The following DLG2 variants were observed in gnomAD, a reference collection of about 807,000 sequenced individuals.
DLG2 encodes disks large homolog 2.
Under a neutral mutation model 132.5 loss-of-function variants are expected in DLG2, and 45 were observed. That is an observed-to-expected ratio of 0.34 (90% CI 0.27 to 0.44). The LOEUF (loss-of-function observed/expected upper bound fraction) is 0.44. Among genes scored for constraint, DLG2 ranks in the 20% least tolerant of loss-of-function variants. DLG2 has a pLI of 1.00. For synonymous variants in DLG2, 424 were observed against 419.6 expected (o/e 1.01, Z -0.13); for missense variants, 1,045 against 1,196.9 (o/e 0.87, Z 1.87).
rs140572835 is a variant in DLG2 at position 83,527,549 on chromosome 11, AT to A, written c.2193+5158del. 7.3e-5 allele frequency among the ~76,000 whole-genome samples: 11 copies of A among 150,798 alleles called. No individual in the cohort carries two copies. In the South Asian group the frequency reaches 1.0e-3, roughly 14 times the overall value. On this transcript the variant is annotated intron_variant, in intron 21 of 27. Coordinates refer to ENST00000376104, the MANE Select transcript of DLG2 (RefSeq NM_001142699.3). ...AACAGAGAGAGACCTTGTCTCTACAATTTTTTTTTTAAAAGAGAGGTGTATG... is the reference window on the plus strand; with the variant it reads ...AACAGAGAGAGACCTTGTCTCTACAATTTTTTTTTAAAAGAGAGGTGTATG...
intron 6 of DLG2, among the ~76,000 whole-genome samples, chr11:84,769,110 C>T (rs1352087742): frequency 6.6e-6 from 1 of 152,044 alleles, no homozygotes; most frequent in Non-Finnish European, 1.5e-5. Context: ...ACCAAACGCT[C>T]CTATTAGCCC....
intron 18 of DLG2, chr11:83,651,992 G>T: frequency 2.6e-6 from 1 of 387,024 alleles, no homozygotes. Flanking sequence ...GCCTGTGTTG[G>T]TCTAATCAAA....
intron 3 of DLG2, among the ~76,000 whole-genome samples, chr11:85,402,321 C>T (rs1385814273): frequency 6.6e-6 from 1 of 152,112 alleles, no homozygotes; most frequent in Non-Finnish European, 1.5e-5. Flanking sequence ...CCTTTCCTTA[C>T]ACCTAGACAA....
chr11:83,732,803 C>T (rs2091252153), intron 18 of DLG2, among the ~76,000 whole-genome samples: 1 of 152,114 alleles, frequency 6.6e-6, no homozygotes, highest in African/African-American at 2.4e-5. Flanking sequence ...GTTTCATGCT[C>T]CAACTGGGGA....
intron 19 of DLG2, among the ~76,000 whole-genome samples, chr11:83,608,417 C>T (rs2059647558): frequency 6.6e-6 from 1 of 151,554 alleles, no homozygotes; most frequent in African/African-American, 2.4e-5. Context: ...AATTACTCCA[C>T]AATGAGCATT....
intron 5 of DLG2, among the ~76,000 whole-genome samples, chr11:85,123,631 C>T (rs367565556): frequency 3.3e-5 from 5 of 152,246 alleles, no homozygotes; most frequent in East Asian, 1.9e-4. Context: ...AAACATTTTC[C>T]GGGAACTTTC....
chr11:85,228,828 T>C (rs2152635990), intron 4 of DLG2, among the ~76,000 whole-genome samples: 1 of 151,832 alleles, frequency 6.6e-6, no homozygotes, highest in South Asian at 2.1e-4. Flanking sequence ...TTTATTAATG[T>C]AATTATTATT....
chr11:84,462,495 C>T (rs1197975771), intron 7 of DLG2, among the ~76,000 whole-genome samples: 1 of 151,062 alleles, frequency 6.6e-6, no homozygotes, highest in African/African-American at 2.4e-5. Flanking sequence ...TGCCCAGCCT[C>T]TACTACTAAA....
intron 7 of DLG2, among the ~76,000 whole-genome samples, chr11:84,328,255 A>G (rs1433031838): frequency 1.3e-5 from 2 of 151,990 alleles, no homozygotes; most frequent in East Asian, 1.9e-4. Context: ...AGTGAAGAGG[A>G]AAAAAAGGAG....
intron 15 of DLG2, among the ~76,000 whole-genome samples, chr11:83,911,798 C>T (rs2076108792): frequency 6.6e-6 from 1 of 151,904 alleles, no homozygotes; most frequent in Non-Finnish European, 1.5e-5. Flanking sequence ...GGAAAAAAAC[C>T]TTAGGAAATA....
At chr11:83,787,483 G>T (rs1441662716) in intron 17 of DLG2, among the ~76,000 whole-genome samples, 1 of 151,542 alleles carries the variant, frequency 6.6e-6, no homozygotes, top group African/African-American at 2.4e-5. Context: ...CACCACGCCC[G>T]GCTAATTTTT....
intron 18 of DLG2, among the ~76,000 whole-genome samples, chr11:83,664,670 TG>T (rs1189946970): frequency 6.6e-6 from 1 of 152,318 alleles, no homozygotes; most frequent in East Asian, 1.9e-4. Context: ...GAATATTTGT[TG>T]AGTTAAAAGC....
At position 83,719,401 on chromosome 11, in the gene DLG2, A is replaced by G. The variant is rs140500864; in HGVS notation, c.1825+67289T>C. Among the ~76,000 whole-genome samples the G allele has an allele frequency of 1.1e-4, 17 of 152,352 alleles. No homozygotes were observed. In the East Asian group the frequency reaches 2.9e-3, roughly 26 times the overall value. ...AGTCCATCTGTGCTGTTATAAAAATAAAAACAATTCTGAGGCTGGGTACTT... is the reference window on the plus strand; with the variant it reads ...AGTCCATCTGTGCTGTTATAAAAATGAAAACAATTCTGAGGCTGGGTACTT... On this transcript the variant is annotated intron_variant, in intron 18 of 27. Coordinates refer to ENST00000376104, the MANE Select transcript of DLG2 (RefSeq NM_001142699.3).
At chr11:85,293,996 C>T (rs866385113) in intron 3 of DLG2, among the ~76,000 whole-genome samples, 1 of 152,024 alleles carries the variant, frequency 6.6e-6, no homozygotes, top group Non-Finnish European at 1.5e-5. Context: ...AATTCCAACA[C>T]TTTGGGACGC....
chr11:84,517,988 G>C (rs911043954), intron 7 of DLG2, among the ~76,000 whole-genome samples: 1 of 151,252 alleles, frequency 6.6e-6, no homozygotes, highest in Admixed American at 6.6e-5. Context: ...TGTTTACCAG[G>C]AGTTGGGGTG....
At chr11:85,122,105 TG>T (rs2152367242) in intron 5 of DLG2, among the ~76,000 whole-genome samples, 1 of 152,312 alleles carries the variant, frequency 6.6e-6, no homozygotes, top group African/African-American at 2.4e-5. Flanking sequence ...GCCAGTACCA[TG>T]GTAAGTGATC....
intron 4 of DLG2, among the ~76,000 whole-genome samples, chr11:85,274,161 A>C (rs1172523763): frequency 2.0e-5 from 3 of 152,148 alleles, no homozygotes; most frequent in Non-Finnish European, 1.5e-5. Context: ...GTAAATGATG[A>C]GTTAATGGGT....
At chr11:85,294,818 C>A (rs2079120281) in intron 3 of DLG2, among the ~76,000 whole-genome samples, 1 of 151,994 alleles carries the variant, frequency 6.6e-6, no homozygotes, top group Non-Finnish European at 1.5e-5. Context: ...GACAAGGAGG[C>A]AGAAATTGTT....
intron 3 of DLG2, among the ~76,000 whole-genome samples, chr11:85,520,166 C>T (rs537140032): frequency 1.2e-4 from 19 of 152,194 alleles, no homozygotes; most frequent in African/African-American, 3.9e-4. Flanking sequence ...AGGCATGAGC[C>T]ACTCCACCCA....
Sources: allele counts gnomAD v4.1 joint callset (sites outside exome capture counted in the v4.1 genomes callset), GRCh38; gene constraint gnomAD v4.1.1; transcripts MANE v1.5; gene names NCBI Gene and HGNC (gene_info 2026-07-23, HGNC 2026-07-21).